ERBB4: variants seen among roughly 807,000 people sequenced by gnomAD.
The protein encoded by ERBB4 is receptor tyrosine-protein kinase erbB-4.
A neutral mutation model predicts 158.0 loss-of-function variants in ERBB4; 42 were observed. That is an observed-to-expected ratio of 0.27 (90% CI 0.21 to 0.34). The LOEUF is 0.34. Ranked by LOEUF, ERBB4 falls within the 10% of genes least tolerant of loss-of-function variation. The probability of loss-of-function intolerance (pLI) is 1.00; values close to 1 mark genes in which losing one functional copy is unlikely to be tolerated. For missense variants in ERBB4, 1,333 were observed against 1,624.1 expected, an observed-to-expected ratio of 0.82 and a Z score of 3.08; for synonymous variants, 583 against 558.7, an observed-to-expected ratio of 1.04 and a Z score of -0.61.
intron 1 of ERBB4, among the ~76,000 whole-genome samples, chr2:212,425,872 T>C (rs1475777273): frequency 6.6e-6 from 1 of 152,048 alleles, no homozygotes; most frequent in African/African-American, 2.4e-5. Context: ...CTCATTTTGT[T>C]GTACCTATCC....
chr2:211,693,396 C>A (rs1008515108), intron 12 of ERBB4, among the ~76,000 whole-genome samples: 5 of 151,962 alleles, frequency 3.3e-5, no homozygotes, highest in African/African-American at 4.8e-5. Context: ...TGCAAAAAAA[C>A]CCCACTATTT....
At chr2:211,580,871 A>AG (rs1323939984) in intron 19 of ERBB4, among the ~76,000 whole-genome samples, 6 of 416 alleles carry the variant, frequency 0.014, no homozygotes, top group Admixed American at 0.079. Context: ...ATATACATAT[A>AG]TATATATATA....
intron 19 of ERBB4, among the ~76,000 whole-genome samples, chr2:211,578,889 C>T (rs776913192): frequency 6.6e-6 from 1 of 152,040 alleles, no homozygotes; most frequent in Admixed American, 6.6e-5. Context: ...AGGACATAGG[C>T]GTGGGTAAAG....
chr2:211,526,322 C>T (rs1055800908), intron 20 of ERBB4, among the ~76,000 whole-genome samples: 1 of 152,054 alleles, frequency 6.6e-6, no homozygotes, highest in Admixed American at 6.6e-5. Flanking sequence ...CCAGAGAATT[C>T]CCAGATTTTA....
rs144530144 is a variant in ERBB4, at chr2:212,008,266, T to C, written c.235-60650A>G. 2.6e-3 allele frequency among the ~76,000 whole-genome samples: 389 copies of C among 152,172 alleles called. 4 individuals carry two copies. Among genetic ancestry groups the C allele is most frequent in the African/African-American group, 8.9e-3 (371 of 41,566 alleles). On this transcript the variant is annotated intron_variant, in intron 2 of 27. Transcript: ENST00000342788. ...GATACATCTCGAGTTTAAGAGAATGTCATTTGTTTTTGGATTCCCCTACGA... is the reference window on the plus strand; with the variant it reads ...GATACATCTCGAGTTTAAGAGAATGCCATTTGTTTTTGGATTCCCCTACGA...
intron 1 of ERBB4, among the ~76,000 whole-genome samples, chr2:212,370,577 A>G (rs2090050842): frequency 1.3e-5 from 2 of 152,170 alleles, no homozygotes; most frequent in Admixed American, 6.6e-5. Flanking sequence ...TTCCAGGGTG[A>G]TAATTTTCAT....
At chr2:211,735,268 G>A (rs1163321266) in intron 5 of ERBB4, among the ~76,000 whole-genome samples, 1 of 151,928 alleles carries the variant, frequency 6.6e-6, no homozygotes, top group East Asian at 1.9e-4. Context: ...GGCAGAGCAA[G>A]TTAATTATCC....
At chr2:211,854,478 A>G (rs13028597) in intron 3 of ERBB4, among the ~76,000 whole-genome samples, 32,996 of 152,080 alleles carry the variant, frequency 0.22, 3,712 homozygotes, top group South Asian at 0.32. Context: ...GTGTCCCTTC[A>G]CAATTGCTAC....
At chr2:212,286,594 C>CTTGTTTTTTTTTTTGTT (rs760466245) in intron 1 of ERBB4, among the ~76,000 whole-genome samples, 5 of 55,538 alleles carry the variant, frequency 9.0e-5, no homozygotes, top group East Asian at 1.3e-3. Flanking sequence ...TAAGTGCTGA[C>CTTGTTTTTTTTTTTGTT]TTTTTTTTTT....
intron 1 of ERBB4, among the ~76,000 whole-genome samples, chr2:212,189,871 T>A (rs1446245072): frequency 6.6e-6 from 1 of 152,206 alleles, no homozygotes; most frequent in Non-Finnish European, 1.5e-5. Flanking sequence ...AAAAAAATTA[T>A]GCTCACAAGG....
rs376296661 is a variant in ERBB4, at chr2:211,995,364, C to G, written c.235-47748G>C. ...TTGCAATAGTTCTTATGTGTAAATT[C>G]GTTTAAAGTTTCTCAACGGCTTTTC... On this transcript the variant is annotated intron_variant, in intron 2 of 27. Coordinates refer to ENST00000342788, the MANE Select transcript of ERBB4 (RefSeq NM_005235.3). 5.9e-5 allele frequency among the ~76,000 whole-genome samples: 9 copies of G among 152,184 alleles called. No individual in the cohort carries two copies. The East Asian group carries it at 1.5e-3, about 26-fold the overall frequency.
intron 1 of ERBB4, among the ~76,000 whole-genome samples, chr2:212,207,325 A>G (rs778098513): frequency 1.3e-5 from 2 of 152,226 alleles, no homozygotes; most frequent in Non-Finnish European, 2.9e-5. Flanking sequence ...GTTGATCACA[A>G]TTTATATGAA....
rs116553282 is a variant in ERBB4 at position 212,337,662 on chromosome 2, G to C, written c.82+200787C>G. Among the ~76,000 whole-genome samples, 464 of 152,122 alleles carry C rather than the reference G, an allele frequency of 3.1e-3. 1 individual carries two copies. The highest frequency in any genetic ancestry group is 0.011 in the African/African-American group (452 of 41,522). On this transcript the variant is annotated intron_variant, in intron 1 of 27. Coordinates refer to ENST00000342788, the MANE Select transcript of ERBB4 (RefSeq NM_005235.3). Reference sequence around the variant, plus strand: ...ATGTGCATTTTGGCAAATACCTCTCGCATATCTAATGCAATCTGAGTTGGG... The same window carrying C: ...ATGTGCATTTTGGCAAATACCTCTCCCATATCTAATGCAATCTGAGTTGGG...
intron 3 of ERBB4, among the ~76,000 whole-genome samples, chr2:211,935,453 C>A (rs935772084): frequency 1.3e-5 from 2 of 152,130 alleles, no homozygotes; most frequent in Non-Finnish European, 2.9e-5. Flanking sequence ...GAAGCCAGTA[C>A]ACACTCTTTC....
At chr2:212,495,950 T>A (rs1690542417) in intron 1 of ERBB4, among the ~76,000 whole-genome samples, 1 of 152,164 alleles carries the variant, frequency 6.6e-6, no homozygotes, top group African/African-American at 2.4e-5. Flanking sequence ...GTGATTTTTG[T>A]AATTATATAA....
chr2:211,656,063 C>G (rs558451183), intron 16 of ERBB4, among the ~76,000 whole-genome samples: 3 of 152,154 alleles, frequency 2.0e-5, no homozygotes, highest in African/African-American at 7.2e-5. Flanking sequence ...ACAAAAGAAG[C>G]CAGATGCATA....
intron 2 of ERBB4, among the ~76,000 whole-genome samples, chr2:212,105,079 A>G (rs1417768170): frequency 6.6e-6 from 1 of 152,190 alleles, no homozygotes; most frequent in Non-Finnish European, 1.5e-5. Flanking sequence ...AAATTCCCTA[A>G]AAAATCAGAT....
chr2:212,451,029 A>AT (rs1242979239), intron 1 of ERBB4, among the ~76,000 whole-genome samples: 7 of 152,126 alleles, frequency 4.6e-5, no homozygotes, highest in East Asian at 1.9e-4. Context: ...TAATTTTTTT[A>AT]TTTTTTTGTA....
In ERBB4 at chr2:212,197,500, G is replaced by T. The variant is rs975348181; in HGVS notation, c.83-72597C>A. Among the ~76,000 whole-genome samples the T allele has an allele frequency of 2.0e-5, 3 of 152,060 alleles. No individual in the cohort carries two copies. The South Asian group carries it at 6.2e-4, about 31-fold the overall frequency. ...TCATTTTATATATGAGGAAACTGAG[G>T]CTTAACTCTCATAAATATCTTGCTC... is the stretch of plus-strand genomic sequence containing the variant. On this transcript the variant is annotated intron_variant, in intron 1 of 27. Transcript: ENST00000342788.
Sources: allele counts gnomAD v4.1 joint callset (sites outside exome capture counted in the v4.1 genomes callset), GRCh38; gene constraint gnomAD v4.1.1; transcripts MANE v1.5; gene names NCBI Gene and HGNC (gene_info 2026-07-23, HGNC 2026-07-21).